The following ARHGAP26 variants were observed in gnomAD, a reference collection of about 807,000 sequenced individuals.
ARHGAP26 encodes rho GTPase-activating protein 26.
A neutral mutation model predicts 104.8 loss-of-function variants in ARHGAP26; 38 were observed. That is an observed-to-expected ratio of 0.36 (90% CI 0.28 to 0.48). The LOEUF (loss-of-function observed/expected upper bound fraction) is 0.48. Among genes scored for constraint, ARHGAP26 ranks in the 20% least tolerant of loss-of-function variants. ARHGAP26 has a pLI of 0.99. For synonymous variants in ARHGAP26, 341 were observed against 340.0 expected, an observed-to-expected ratio of 1.00 and a Z score of -0.03; for missense variants, 704 against 947.9, an observed-to-expected ratio of 0.74 and a Z score of 3.38.
intron 1 of ARHGAP26, among the ~76,000 whole-genome samples, chr5:142,771,720 G>C (rs1755250720): frequency 6.6e-6 from 1 of 152,228 alleles, no homozygotes; most frequent in South Asian, 2.1e-4. Flanking sequence ...ATAATTCTCA[G>C]AAAGAAGTTC....
At chr5:142,873,357 T>C (rs745414431) in intron 1 of ARHGAP26, 43 bp from the exon 2 acceptor site, 2 of 1,496,854 alleles carry the variant, frequency 1.3e-6, no homozygotes, top group South Asian at 1.2e-5. Flanking sequence ...AAAGCCAGTT[T>C]AATTTTAGTA....
intron 6 of ARHGAP26, among the ~76,000 whole-genome samples, chr5:142,900,029 G>T (rs1322749671): frequency 6.6e-6 from 1 of 152,194 alleles, no homozygotes; most frequent in African/African-American, 2.4e-5. Flanking sequence ...TATCTTCTGC[G>T]TTATTCTCAA....
intron 20 of ARHGAP26, among the ~76,000 whole-genome samples, chr5:143,158,983 A>G (rs1020864558): frequency 1.3e-5 from 2 of 152,244 alleles, no homozygotes; most frequent in African/African-American, 4.8e-5. Flanking sequence ...AGGAGGGTTT[A>G]TTAACAAAAG....
intron 11 of ARHGAP26, among the ~76,000 whole-genome samples, chr5:142,980,988 A>G (rs958974008): frequency 6.6e-6 from 1 of 152,108 alleles, no homozygotes; most frequent in Non-Finnish European, 1.5e-5. Flanking sequence ...CTTGGTGTTT[A>G]TTTTCATTTC....
chr5:143,125,523 C>T (rs562943913), intron 18 of ARHGAP26, among the ~76,000 whole-genome samples: 8 of 152,250 alleles, frequency 5.3e-5, no homozygotes, highest in African/African-American at 1.9e-4. Flanking sequence ...ACCTCTCTCA[C>T]GGACCTGGGA....
chr5:143,057,783 C>A (rs373338867), intron 17 of ARHGAP26, 36 bp downstream of exon 17: 3 of 1,546,554 alleles, frequency 1.9e-6, no homozygotes, highest in African/African-American at 2.7e-5. Flanking sequence ...TTTTTCTTAC[C>A]CCTGAAAGTT....
At chr5:142,895,096 A>G (rs1323901952) in intron 6 of ARHGAP26, among the ~76,000 whole-genome samples, 1 of 152,260 alleles carries the variant, frequency 6.6e-6, no homozygotes, top group Non-Finnish European at 1.5e-5. Flanking sequence ...CCAAAATAGT[A>G]TATGGACCTC....
rs1342666860 is a variant in ARHGAP26, at chr5:142,903,634, A to C, written c.797A>C (p.Tyr266Ser). 1 of 1,613,972 alleles carries C rather than the reference A, an allele frequency of 6.2e-7. No individual in the cohort carries two copies. Among genetic ancestry groups the C allele is most frequent in the South Asian group, 1.1e-5 (1 of 91,074 alleles). ...CTTGAGCACAAGACCATCAGTCCCT[A>C]CACCATGGAGGGATACCTCTACGTG... ...NPLEHKTISP[Y>S]TMEGYLYVQE... is the part of the protein sequence containing the mutation. The change falls in exon 8 of 23, where the codon TAC becomes TCC. Residue 266 changes from tyrosine (Y) to serine (S), a missense_variant. By Grantham distance (144) the Tyr-to-Ser change is moderately radical. Around this residue, in one of 6 missense-constraint regions of ARHGAP26, gnomAD observed 287 missense variants for 438.8 expected, o/e 0.65. Transcript: ENST00000645722.
rs143747741 is a variant in ARHGAP26 at position 143,181,989 on chromosome 5, G to C, written c.1989-25209G>C. On this transcript the variant is annotated intron_variant, in intron 20 of 22. Coordinates refer to ENST00000645722, the MANE Select transcript of ARHGAP26 (RefSeq NM_001135608.3). ...CTGCCTCCCTGGCTTGTACGCTCCT[G>C]TGCTTATTCTTGTCCCCGTACAAAG... Among the ~76,000 whole-genome samples the C allele has an allele frequency of 3.3e-5, 5 of 152,214 alleles. No homozygotes were observed. In the East Asian group the frequency reaches 9.7e-4, roughly 29 times the overall value.
chr5:142,869,149 A>T (rs143255783), intron 1 of ARHGAP26, among the ~76,000 whole-genome samples: 3 of 151,496 alleles, frequency 2.0e-5, no homozygotes, highest in African/African-American at 4.8e-5. Flanking sequence ...TCTAACCTCA[A>T]TGATGGCCTT....
At chr5:142,867,372 G>A (rs935463895) in intron 1 of ARHGAP26, among the ~76,000 whole-genome samples, 2 of 151,844 alleles carry the variant, frequency 1.3e-5, no homozygotes, top group Admixed American at 6.6e-5. Flanking sequence ...CTGGGCTGCA[G>A]AATGGTATTT....
intron 1 of ARHGAP26, among the ~76,000 whole-genome samples, chr5:142,856,726 T>A (rs1345596925): frequency 1.3e-5 from 2 of 152,198 alleles, no homozygotes; most frequent in Non-Finnish European, 2.9e-5. Flanking sequence ...GCATTTACAT[T>A]GTATTAGGTA....
chr5:143,177,987 CTTTTTTTTTTTTTTTT>C (rs397705462), intron 20 of ARHGAP26, among the ~76,000 whole-genome samples: 9 of 58,298 alleles, frequency 1.5e-4, no homozygotes, highest in South Asian at 9.7e-4. Context: ...TGTGGCAGTC[CTTTTTTTTTTTTTTTT>C]TTTTTTTTTT....
At chr5:143,143,175 C>T (rs770284993) in intron 19 of ARHGAP26, among the ~76,000 whole-genome samples, 1 of 152,062 alleles carries the variant, frequency 6.6e-6, no homozygotes, top group Admixed American at 6.6e-5. Flanking sequence ...GGAAACCTCC[C>T]GCAAATGTTT....
chr5:142,873,526 GTTCA>G, intron 2 of ARHGAP26, 31 bp downstream of exon 2: 1 of 1,449,152 alleles, frequency 6.9e-7, no homozygotes. Context: ...AGATAAAAAT[GTTCA>G]TTGTTTGTCA....
At chr5:142,872,604 A>T (rs1490472814) in intron 1 of ARHGAP26, among the ~76,000 whole-genome samples, 2 of 152,264 alleles carry the variant, frequency 1.3e-5, no homozygotes, top group African/African-American at 4.8e-5. Flanking sequence ...CGGAAGGATC[A>T]CTGGCTTTCA....
chr5:142,922,270 T>A (rs1763294699), intron 10 of ARHGAP26, among the ~76,000 whole-genome samples: 1 of 152,180 alleles, frequency 6.6e-6, no homozygotes, highest in Admixed American at 6.5e-5. Context: ...TGACTGAGAT[T>A]ATGTGTTTTC....
Position 143,147,392 on chromosome 5 carries a change from T to TG in ARHGAP26, c.1988+12dup, listed in dbSNP as rs767965262. ...CCGGCCCAACTCACTGTAAGTATGATGTCCAGCTGCCTACCCCACAAGGGC... is the reference window on the plus strand; with the variant it reads ...CCGGCCCAACTCACTGTAAGTATGATGGTCCAGCTGCCTACCCCACAAGGGC... On this transcript the variant is annotated intron_variant, in intron 20 of 22. Coordinates refer to ENST00000645722, the MANE Select transcript of ARHGAP26 (RefSeq NM_001135608.3). 6.2e-7 allele frequency: 1 copy of TG among 1,609,930 alleles called. No individual in the cohort carries two copies. Among genetic ancestry groups the TG allele is most frequent in the Admixed American group, 1.7e-5 (1 of 59,360 alleles).
intron 11 of ARHGAP26, among the ~76,000 whole-genome samples, chr5:143,003,658 G>A (rs1379422211): frequency 1.3e-5 from 2 of 152,162 alleles, no homozygotes; most frequent in African/African-American, 4.8e-5. Flanking sequence ...AGAGATTAAG[G>A]TTGTCTGCAG....
Sources: allele counts gnomAD v4.1 joint callset (sites outside exome capture counted in the v4.1 genomes callset), GRCh38; gene constraint gnomAD v4.1.1; regional missense constraint gnomAD v4.1.1; transcripts MANE v1.5; gene names NCBI Gene and HGNC (gene_info 2026-07-23, HGNC 2026-07-21).